Variants in SGCD observed in about 807,000 individuals in gnomAD.
The protein encoded by SGCD is delta-sarcoglycan.
SGCD carries 18 observed loss-of-function variants against 36.6 expected under a neutral mutation model. The observed-to-expected ratio is 0.49, with a 90% CI of 0.34 to 0.73. SGCD has a LOEUF of 0.73. Ranked by LOEUF, SGCD falls within the 30% of genes least tolerant of loss-of-function variation. The pLI, the probability that SGCD is intolerant of heterozygous loss-of-function variation, is 0.01. For synonymous variants in SGCD, 133 were observed against 130.6 expected, an observed-to-expected ratio of 1.02 and a Z score of -0.12; for missense variants, 387 against 346.7, an observed-to-expected ratio of 1.12 and a Z score of -0.92.
intron 3 of SGCD, among the ~76,000 whole-genome samples, chr5:156,254,463 A>G (rs1014966841): frequency 3.9e-5 from 6 of 152,178 alleles, no homozygotes; most frequent in African/African-American, 1.4e-4. Context: ...TATGTAAGAA[A>G]TTGTGTGGAT....
At chr5:155,979,098 G>A (rs1010262914) in intron 1 of SGCD, among the ~76,000 whole-genome samples, 1 of 152,156 alleles carries the variant, frequency 6.6e-6, no homozygotes, top group African/African-American at 2.4e-5. Flanking sequence ...TTGAATGCAA[G>A]AAACTTGTGA....
intron 1 of SGCD, among the ~76,000 whole-genome samples, chr5:156,088,677 A>G (rs186038021): frequency 7.9e-5 from 12 of 152,114 alleles, no homozygotes; most frequent in African/African-American, 2.9e-4. Context: ...TTGTTTATTA[A>G]TATTATTATT....
At position 156,227,748 on chromosome 5, in the gene SGCD, C is replaced by T. The variant is rs114985686; in HGVS notation, c.-43-101786C>T. ...TGCAACGTTAGATTGTCTGTTTGTG[C>T]CCTTTCAGACTTTTCGATGTAGGCA... On this transcript the variant is annotated intron_variant, in intron 3 of 9. Transcript: ENST00000517913. Among the ~76,000 whole-genome samples the T allele has an allele frequency of 5.5e-3, 840 of 152,098 alleles. 4 individuals carry two copies. Among genetic ancestry groups the T allele is most frequent in the African/African-American group, 0.018 (749 of 41,502 alleles).
chr5:156,212,531 A>G (rs1268244397), intron 3 of SGCD, among the ~76,000 whole-genome samples: 1 of 152,188 alleles, frequency 6.6e-6, no homozygotes, highest in Non-Finnish European at 1.5e-5. Flanking sequence ...GGAGAAATAG[A>G]TTGCAATACA....
At chr5:156,286,162 A>T (rs966823073) in intron 3 of SGCD, among the ~76,000 whole-genome samples, 11 of 152,224 alleles carry the variant, frequency 7.2e-5, no homozygotes, top group Admixed American at 3.9e-4. Context: ...ATCATTAAAA[A>T]GTCAGGAAAC....
chr5:156,045,380 T>C (rs1412508158), intron 1 of SGCD, among the ~76,000 whole-genome samples: 2 of 152,160 alleles, frequency 1.3e-5, no homozygotes, highest in Non-Finnish European at 2.9e-5. Flanking sequence ...ATCTACACTT[T>C]TCCGTTCCAA....
At chr5:156,513,442 C>A (rs933705765) in intron 4 of SGCD, among the ~76,000 whole-genome samples, 1 of 152,194 alleles carries the variant, frequency 6.6e-6, no homozygotes, top group African/African-American at 2.4e-5. Context: ...CTCTGGGGGC[C>A]TCTCATCTGC....
At chr5:156,209,657 C>A (rs1764384473) in intron 3 of SGCD, among the ~76,000 whole-genome samples, 3 of 152,214 alleles carry the variant, frequency 2.0e-5, no homozygotes, top group Non-Finnish European at 4.4e-5. Context: ...CAGGTTGGCC[C>A]CCACAATCTC....
intron 6 of SGCD, among the ~76,000 whole-genome samples, chr5:156,616,027 C>T (rs551965739): frequency 6.6e-6 from 1 of 152,144 alleles, no homozygotes; most frequent in Admixed American, 6.5e-5. Flanking sequence ...AATTTATTGC[C>T]TCATGTGATT....
chr5:156,278,577 T>C (rs10044599), intron 3 of SGCD, among the ~76,000 whole-genome samples: 3,581 of 152,286 alleles, frequency 0.024, 47 homozygotes, highest in African/African-American at 0.038. Flanking sequence ...GAAGGCTTTG[T>C]GGAATGGGAA....
chr5:156,497,181 CT>C (rs1756234790), intron 3 of SGCD, among the ~76,000 whole-genome samples: 4 of 30,014 alleles, frequency 1.3e-4, no homozygotes, highest in Non-Finnish European at 3.0e-4. Flanking sequence ...CTCTCTCTCT[CT>C]CTCTCTCTCT....
chr5:156,139,206 T>C (rs1208737170), intron 3 of SGCD, among the ~76,000 whole-genome samples: 2 of 152,228 alleles, frequency 1.3e-5, no homozygotes, highest in African/African-American at 4.8e-5. Flanking sequence ...TTTACATTTT[T>C]ATTTTATAAT....
intron 3 of SGCD, among the ~76,000 whole-genome samples, chr5:156,267,122 G>A (rs1435152052): frequency 1.3e-5 from 2 of 152,016 alleles, no homozygotes; most frequent in Non-Finnish European, 2.9e-5. Flanking sequence ...GTAAGATGGG[G>A]GTATCAAATG....
chr5:156,502,938 C>T (rs1168885250), intron 3 of SGCD, among the ~76,000 whole-genome samples: 1 of 152,054 alleles, frequency 6.6e-6, no homozygotes, highest in Non-Finnish European at 1.5e-5. Context: ...TTTGATAGAC[C>T]TTTCCCACCA....
At chr5:156,190,390 C>A (rs2127632123) in intron 3 of SGCD, among the ~76,000 whole-genome samples, 1 of 152,250 alleles carries the variant, frequency 6.6e-6, no homozygotes, top group East Asian at 1.9e-4. Context: ...GGAAGAAAGT[C>A]TATCAAACTG....
intron 3 of SGCD, among the ~76,000 whole-genome samples, chr5:156,356,485 T>G (rs1304284461): frequency 6.6e-6 from 1 of 152,216 alleles, no homozygotes; most frequent in Non-Finnish European, 1.5e-5. Flanking sequence ...AAGATGGAAG[T>G]GCATAGCATT....
rs192901756 is a variant in SGCD, at chr5:156,388,703, A to T, written c.192+44026A>T. On this transcript the variant is annotated intron_variant, in intron 3 of 8. Transcript: ENST00000337851. ...CAGCAATGTTGTGATTCTTCTTGACAAAATAAATGTAACTTCTAAAATTTC... is the reference window on the plus strand; with the variant it reads ...CAGCAATGTTGTGATTCTTCTTGACTAAATAAATGTAACTTCTAAAATTTC... Among the ~76,000 whole-genome samples the T allele has an allele frequency of 7.4e-3, 1,132 of 152,324 alleles. 22 individuals are homozygous for T. Among genetic ancestry groups the T allele is most frequent in the African/African-American group, 0.026 (1,077 of 41,562 alleles).
At chr5:156,349,188 G>C (rs2127720374) in intron 3 of SGCD, among the ~76,000 whole-genome samples, 1 of 152,096 alleles carries the variant, frequency 6.6e-6, no homozygotes, top group African/African-American at 2.4e-5. Context: ...TCTGGATGTT[G>C]GCCTAGGCAA....
intron 1 of SGCD, among the ~76,000 whole-genome samples, chr5:155,880,664 G>A (rs769014078): frequency 1.3e-5 from 2 of 152,142 alleles, no homozygotes; most frequent in African/African-American, 2.4e-5. Context: ...CATTATGCTT[G>A]AGTTAGTGCC....
Sources: gnomAD v4.1 joint callset for allele counts (sites outside exome capture counted in the v4.1 genomes callset) on GRCh38, gnomAD v4.1.1 for gene constraint, MANE v1.5 for transcripts, NCBI Gene and HGNC (gene_info 2026-07-23, HGNC 2026-07-21) for gene names.